MUC15: variants seen among roughly 807,000 people sequenced by gnomAD.
MUC15 encodes the protein mucin-15.
MUC15 carries 23 observed loss-of-function variants against 24.0 expected under a neutral mutation model. That is an observed-to-expected ratio of 0.96 (90% CI 0.69 to 1.36). The LOEUF (loss-of-function observed/expected upper bound fraction) is 1.36, where lower values mean the gene tolerates loss of function less well. MUC15 is among the 40% of genes most tolerant of loss of function. The pLI is 0.00. For missense variants in MUC15, 442 were observed against 428.2 expected, an observed-to-expected ratio of 1.03 and a Z score of -0.29; for synonymous variants, 151 against 156.3, an observed-to-expected ratio of 0.97 and a Z score of 0.25.
rs768679924 is a variant in MUC15 at position 26,565,884 on chromosome 11, T to C, written c.56A>G (p.Lys19Arg). The C allele has an allele frequency of 6.3e-7, 1 of 1,575,266 alleles. No homozygotes were observed. Among genetic ancestry groups the C allele is most frequent in the Admixed American group, 2.1e-5 (1 of 47,692 alleles). ...TGTAGGCTTCTTTGGTATTGGTTTT[T>C]TTTTAAAGGAATCTGAAAGAAAATA... ...ATSRDCYSFK[K>R]KPIPKKPTML... Residue 19 changes from lysine (K) to arginine (R), a missense_variant, in exon 3 of 5, where the codon AAA (lysine) becomes AGA (arginine). Coordinates refer to ENST00000529533, the MANE Select transcript of MUC15 (RefSeq NM_001135091.2).
chr11:26,570,530 C>T (rs902985356), intron 1 of MUC15, among the ~76,000 whole-genome samples: 2 of 152,088 alleles, frequency 1.3e-5, no homozygotes, highest in Non-Finnish European at 2.9e-5. Context: ...GCTACTCATT[C>T]TAAACAGAAT....
Position 26,565,852 on chromosome 11 carries a change from C to T in MUC15, c.88G>A (p.Ala30Thr), listed in dbSNP as rs754388269. 1 of 1,611,034 alleles carries T rather than the reference C, an allele frequency of 6.2e-7. No homozygotes were observed. The highest frequency in any genetic ancestry group is 2.2e-5 in the East Asian group (1 of 44,824). ...KPIPKKPTML[A>T]LAKILLISTL... ...GAAATCAACAGAATTTTGGCTAAGG[C>T]CAACATTGTAGGCTTCTTTGGTATT... is the stretch of plus-strand genomic sequence containing the variant. The change falls in exon 3 of 5, where the codon GCC (alanine) becomes ACC (threonine). Residue 30 changes from alanine to threonine, a missense_variant. By Grantham distance (58) the Ala-to-Thr change is moderately conservative. Coordinates refer to ENST00000529533, the MANE Select transcript of MUC15 (RefSeq NM_001135091.2).
In MUC15 at chr11:26,559,847, C is replaced by CAT. The variant is rs1850214362; in HGVS notation, c.*1217_*1218insAT. ...GCTGTTTCTGTGTTACACACACACA[C>CAT]ACACACACACACACACACACACACA... is the stretch of plus-strand genomic sequence containing the variant. On this transcript the variant is annotated 3_prime_UTR_variant, in exon 5 of 5. Transcript: ENST00000529533. 2.5e-6 allele frequency: 2 copies of CAT among 811,786 alleles called. No homozygotes were observed. Among genetic ancestry groups the CAT allele is most frequent in the South Asian group, 1.5e-5 (1 of 68,794 alleles). 50.3% of individuals were successfully genotyped at this position (811,786 alleles called of 1,614,324 possible).
chr11:26,565,097 T>C (rs1014325708), intron 3 of MUC15, 68 bp downstream of exon 3: 2 of 1,430,962 alleles, frequency 1.4e-6, no homozygotes, highest in Admixed American at 5.0e-5. Flanking sequence ...TTCCTTAGAC[T>C]TACTCTGCAT....
intron 1 of MUC15, among the ~76,000 whole-genome samples, chr11:26,569,961 T>C (rs1850755176): frequency 1.3e-5 from 2 of 151,918 alleles, no homozygotes; most frequent in South Asian, 4.2e-4. Flanking sequence ...ATCTGGGTGG[T>C]AGCTCCTAAG....
Position 26,567,555 on chromosome 11 carries a change from A to G in MUC15, c.-45-416T>C, listed in dbSNP as rs545094661. The stretch of plus-strand genomic sequence containing the variant: ...TTCTCACATGTGGTACAACGTAAAT[A>G]TATCTATAATATATGTTAGTTATCT... On this transcript the variant is annotated intron_variant, in intron 1 of 4. Transcript: ENST00000529533. 7.2e-5 allele frequency among the ~76,000 whole-genome samples: 11 copies of G among 152,120 alleles called. No homozygotes were observed. The South Asian group carries it at 2.1e-3, about 29-fold the overall frequency.
chr11:26,566,014 A>G (rs1029098694), intron 2 of MUC15, 118 bp from the exon 3 acceptor site: 1 of 1,077,150 alleles, frequency 9.3e-7, no homozygotes, highest in South Asian at 2.0e-5. Context: ...GTAATATCAT[A>G]TTTTTATTCC....
Position 26,565,531 on chromosome 11 carries a change from G to A in MUC15, c.409C>T (p.Pro137Ser), listed in dbSNP as rs750136482. The A allele has an allele frequency of 1.2e-6, 2 of 1,613,394 alleles. No homozygotes were observed. Among genetic ancestry groups the A allele is most frequent in the Admixed American group, 1.7e-5 (1 of 59,906 alleles). The change falls in exon 3 of 5, where the codon CCT becomes TCT. Residue 137 changes from proline to serine, a missense_variant. Coordinates refer to ENST00000529533, the MANE Select transcript of MUC15 (RefSeq NM_001135091.2). ...LKPTSTISTS[P>S]PLIHSFVSKV... Reference sequence around the variant, plus strand: ...GAAACAAAGCTATGGATCAAGGGAGGGCTTGTGGAAATGGTAGATGTGGGT... The same window carrying A: ...GAAACAAAGCTATGGATCAAGGGAGAGCTTGTGGAAATGGTAGATGTGGGT...
chr11:26,559,650 G>A lies in MUC15; in HGVS notation c.*1415C>T. On this transcript the variant is annotated 3_prime_UTR_variant, in exon 5 of 5. Transcript: ENST00000529533. ...TGAGAAAAAATCATAGTACCTGAGT[G>A]CAAACAGTATTCACTGGCTTATTAT... 9.3e-7 allele frequency: 1 copy of A among 1,074,692 alleles called. No individual in the cohort carries two copies. Among genetic ancestry groups the A allele is most frequent in the Non-Finnish European group, 1.4e-6 (1 of 690,910 alleles). The allele number at this position is 1,074,692 out of a possible 1,614,324, so 66.6% of individuals were successfully genotyped here.
At chr11:26,570,083 C>T (rs1034196745) in intron 1 of MUC15, among the ~76,000 whole-genome samples, 2 of 152,040 alleles carry the variant, frequency 1.3e-5, no homozygotes, top group African/African-American at 4.8e-5. Flanking sequence ...TTTCCAGTTC[C>T]TTTGTGATAC....
intron 2 of MUC15, 136 bp from the exon 3 acceptor site, chr11:26,566,032 CT>C: frequency 5.2e-6 from 5 of 966,508 alleles, no homozygotes; most frequent in Non-Finnish European, 5.8e-6. Flanking sequence ...TCCAAAATTG[CT>C]TATTTTGGAT....
intron 3 of MUC15, among the ~76,000 whole-genome samples, chr11:26,564,730 CACATATATATATATAT>C (rs1476664278): frequency 3.9e-3 from 93 of 23,964 alleles, no homozygotes; most frequent in Admixed American, 6.0e-3. Flanking sequence ...CACACACACA[CACATATATATATATAT>C]ATATATATAT....
At chr11:26,564,732 C>CATATATATATAT (rs66510170) in intron 3 of MUC15, among the ~76,000 whole-genome samples, 2 of 25,414 alleles carry the variant, frequency 7.9e-5, no homozygotes, top group Non-Finnish European at 1.4e-4. Flanking sequence ...CACACACACA[C>CATATATATATAT]ATATATATAT....
chr11:26,568,444 C>T (rs1388439308), intron 1 of MUC15, among the ~76,000 whole-genome samples: 1 of 148,784 alleles, frequency 6.7e-6, no homozygotes, highest in African/African-American at 2.5e-5. Context: ...TGGTACACAG[C>T]TGCTTTTTAG....
Position 26,559,674 on chromosome 11 carries a change from A to G in MUC15, c.*1391T>C, listed in dbSNP as rs766583976. On this transcript the variant is annotated 3_prime_UTR_variant, in exon 5 of 5. Coordinates refer to ENST00000529533, the MANE Select transcript of MUC15 (RefSeq NM_001135091.2). ...TGCAAACAGTATTCACTGGCTTATT[A>G]TAATCAATTTGCATGACTAATATTT... The G allele has an allele frequency of 1.4e-6, 2 of 1,402,632 alleles. No homozygotes were observed. The highest frequency in any genetic ancestry group is 2.0e-6 in the Non-Finnish European group (2 of 988,240). The allele number at this position is 1,402,632 out of a possible 1,614,324, so 86.9% of individuals were successfully genotyped here.
In MUC15 at chr11:26,559,858, AC is replaced by A; in HGVS notation, c.*1206del. 1.1e-6 allele frequency: 1 copy of A among 908,304 alleles called. No homozygotes were observed. Among genetic ancestry groups the A allele is most frequent in the Non-Finnish European group, 1.8e-6 (1 of 550,962 alleles). The allele number at this position is 908,304 out of a possible 1,614,324, so 56.3% of individuals were successfully genotyped here. On this transcript the variant is annotated 3_prime_UTR_variant, in exon 5 of 5. Coordinates refer to ENST00000529533, the MANE Select transcript of MUC15 (RefSeq NM_001135091.2). Reference sequence around the variant, plus strand: ...GTTACACACACACACACACACACACACACACACACACACACACCATGAATCA... The same window carrying A: ...GTTACACACACACACACACACACACAACACACACACACACACCATGAATCA...
chr11:26,559,036 T>C lies in MUC15; in HGVS notation c.*2029A>G, dbSNP rs931394642. Reference sequence around the variant, plus strand: ...GCAAATGCAAACAAGCAAAGGTAAATTGAATTTATACTTTATTAAAATCAA... The same window carrying C: ...GCAAATGCAAACAAGCAAAGGTAAACTGAATTTATACTTTATTAAAATCAA... On this transcript the variant is annotated 3_prime_UTR_variant, in exon 5 of 5. Transcript: ENST00000529533. 2.0e-5 allele frequency: 3 copies of C among 152,180 alleles called. No individual in the cohort carries two copies. The highest frequency in any genetic ancestry group is 7.2e-5 in the African/African-American group (3 of 41,464). 9.4% of individuals were successfully genotyped at this position (152,180 alleles called of 1,614,324 possible). A position where few individuals can be genotyped will look rare whatever the true frequency, so the allele number is the denominator to read the frequency against.
Position 26,565,911 on chromosome 11 carries a change from C to G in MUC15, c.44-15G>C, listed in dbSNP as rs759185166. 1.3e-6 allele frequency: 2 copies of G among 1,554,628 alleles called. No homozygotes were observed. Among genetic ancestry groups the G allele is most frequent in the Non-Finnish European group, 1.7e-6 (2 of 1,158,222 alleles). ...TTTAAAGGAATCTGAAAGAAAATAA[C>G]CATAATTTGAATTCCTTAAATAAAA... is the stretch of plus-strand genomic sequence containing the variant. On this transcript the variant is annotated splice_polypyrimidine_tract_variant and intron_variant, in intron 2 of 4. Coordinates refer to ENST00000529533, the MANE Select transcript of MUC15 (RefSeq NM_001135091.2).
Position 26,559,500 on chromosome 11 carries a change from A to T in MUC15, c.*1565T>A, listed in dbSNP as rs1850197026. 2.0e-6 allele frequency: 1 copy of T among 504,722 alleles called. No individual in the cohort carries two copies. The highest frequency in any genetic ancestry group is 3.2e-5 in the Admixed American group (1 of 31,284). The allele number at this position is 504,722 out of a possible 1,614,324, so 31.3% of individuals were successfully genotyped here. A position where few individuals can be genotyped will look rare whatever the true frequency, so the allele number is the denominator to read the frequency against. On this transcript the variant is annotated 3_prime_UTR_variant, in exon 5 of 5. Transcript: ENST00000529533. ...GGGGTATAAAGGGAATCAAGAGAGG[A>T]GAGAAGAGGGCTAATGTTGTTTCTT... is the stretch of plus-strand genomic sequence containing the variant.
Sources: gnomAD v4.1 joint callset for allele counts (sites outside exome capture counted in the v4.1 genomes callset) on GRCh38, gnomAD v4.1.1 for gene constraint, MANE v1.5 for transcripts, NCBI Gene and HGNC (gene_info 2026-07-23, HGNC 2026-07-21) for gene names.